The following DGKD variants were observed in gnomAD, a reference collection of about 807,000 sequenced individuals.
DGKD encodes the protein diacylglycerol kinase delta.
A neutral mutation model predicts 154.4 loss-of-function variants in DGKD; 68 were observed. The observed-to-expected ratio is 0.44, with a 90% confidence interval of 0.36 to 0.54. The LOEUF (loss-of-function observed/expected upper bound fraction) is 0.54, where lower values mean the gene tolerates loss of function less well. Ranked by LOEUF, DGKD falls within the 20% of genes least tolerant of loss-of-function variation. The pLI is 0.00. For missense variants in DGKD, 1,343 were observed against 1,593.6 expected (o/e 0.84, Z 2.68); for synonymous variants, 693 against 638.0 (o/e 1.09, Z -1.30).
In DGKD at chr2:233,437,556, C is replaced by T; in HGVS notation, c.922+77C>T. On this transcript the variant is annotated intron_variant, in intron 8 of 29. Transcript: ENST00000264057. Reference sequence around the variant, plus strand: ...TCCACGCACTTTCTCTTCTCCAGCTCTGGAGTTGGTTATCTTGGTGAGATG... The same window carrying T: ...TCCACGCACTTTCTCTTCTCCAGCTTTGGAGTTGGTTATCTTGGTGAGATG... The T allele has an allele frequency of 1.3e-5, 18 of 1,411,910 alleles. 1 individual carries two copies. Among genetic ancestry groups the T allele is most frequent in the Non-Finnish European group, 1.7e-5 (17 of 1,011,740 alleles). The allele number at this position is 1,411,910 out of a possible 1,614,324, so 87.5% of individuals were successfully genotyped here.
At chr2:233,430,469 A>G (rs897006674) in intron 3 of DGKD, among the ~76,000 whole-genome samples, 1 of 152,172 alleles carries the variant, frequency 6.6e-6, no homozygotes, top group Non-Finnish European at 1.5e-5. Context: ...AGGTGGAGAA[A>G]AGTGTCCATG....
chr2:233,458,249 T>A lies in DGKD; in HGVS notation c.2581-35T>A. 1 of 1,434,096 alleles carries A rather than the reference T, an allele frequency of 7.0e-7. No individual in the cohort carries two copies. Among genetic ancestry groups the A allele is most frequent in the South Asian group, 1.2e-5 (1 of 86,070 alleles). 88.8% of individuals were successfully genotyped at this position (1,434,096 alleles called of 1,614,324 possible). On this transcript the variant is annotated intron_variant, in intron 21 of 29. Transcript: ENST00000264057. The surrounding 1 kb of genome is among the most constrained non-coding windows in gnomAD (Gnocchi z 6.6). ...GGGGCGGCCTGTGCTCGGGGATGTG[T>A]GGAGTGGTGGTCAGCTCTAACGTGT...
intron 1 of DGKD, among the ~76,000 whole-genome samples, chr2:233,385,436 T>G (rs1296876655): frequency 6.6e-6 from 1 of 152,194 alleles, no homozygotes; most frequent in Non-Finnish European, 1.5e-5. Context: ...CTTAAGAGTT[T>G]TCTCGGTGCT....
intron 1 of DGKD, among the ~76,000 whole-genome samples, chr2:233,368,337 C>T (rs780545378): frequency 2.6e-5 from 4 of 152,112 alleles, no homozygotes; most frequent in Non-Finnish European, 5.9e-5. Flanking sequence ...TGGTAAAACC[C>T]CATCTCTACT....
In DGKD at chr2:233,354,665, C is replaced by A. The variant is rs1181969765; in HGVS notation, c.147C>A (p.Ile49=). 3 of 1,044,262 alleles carry A rather than the reference C, an allele frequency of 2.9e-6. No individual in the cohort carries two copies. Among genetic ancestry groups the A allele is most frequent in the East Asian group, 2.0e-4 (2 of 10,124 alleles). The allele number at this position is 1,044,262 out of a possible 1,614,324, so 64.7% of individuals were successfully genotyped here. A position where few individuals can be genotyped will look rare whatever the true frequency, so the allele number is the denominator to read the frequency against. Reference sequence around the variant, plus strand: ...GCAAGGTGTCCACGTCGGGTCAGATCCGACAGAAGGTGAGCCCGCGGCGCG... The same window carrying A: ...GCAAGGTGTCCACGTCGGGTCAGATACGACAGAAGGTGAGCCCGCGGCGCG... The part of the protein sequence containing the change: ...LIRKVSTSGQ[I]RQKTIIKEGM... Residue 49 remains isoleucine (I), a synonymous_variant, in exon 1 of 30, where the codon ATC becomes ATA. Coordinates refer to ENST00000264057, the MANE Select transcript of DGKD (RefSeq NM_152879.3). The surrounding 1 kb of genome is among the most constrained non-coding windows in gnomAD (Gnocchi z 4.8).
intron 2 of DGKD, 58 bp downstream of exon 2, chr2:233,388,425 G>C: frequency 1.3e-6 from 2 of 1,516,216 alleles, no homozygotes; most frequent in Non-Finnish European, 8.9e-7. Context: ...TCCCAGGGGA[G>C]GAACTGGGGG....
chr2:233,388,191 T>A, intron 1 of DGKD, 66 bp from the exon 2 acceptor site: 1 of 1,579,454 alleles, frequency 6.3e-7, no homozygotes, highest in South Asian at 1.2e-5. Flanking sequence ...CAGGCTGCGT[T>A]TCAGCCGGAA....
At chr2:233,437,765 T>G (rs2062748200) in intron 8 of DGKD, among the ~76,000 whole-genome samples, 1 of 152,202 alleles carries the variant, frequency 6.6e-6, no homozygotes. Flanking sequence ...AGCCTGGCAC[T>G]TGACGTGGAG....
intron 3 of DGKD, among the ~76,000 whole-genome samples, chr2:233,412,597 C>T (rs1238602915): frequency 6.6e-6 from 1 of 152,150 alleles, no homozygotes; most frequent in African/African-American, 2.4e-5. Flanking sequence ...ATTTTTCTTG[C>T]TTCATTGCAA....
At chr2:233,384,372 G>T (rs763362500) in intron 1 of DGKD, among the ~76,000 whole-genome samples, 17 of 152,058 alleles carry the variant, frequency 1.1e-4, no homozygotes, top group Non-Finnish European at 2.4e-4. Context: ...CCTTGGTATT[G>T]GTGTCCCTGG....
chr2:233,468,155 G>C (rs1181678699), intron 28 of DGKD, among the ~76,000 whole-genome samples: 7 of 151,420 alleles, frequency 4.6e-5, no homozygotes, highest in African/African-American at 1.2e-4. Context: ...CTGGTGGGTG[G>C]TGCTGTTGGC....
chr2:233,460,546 A>G (rs1023205564), intron 24 of DGKD, among the ~76,000 whole-genome samples: 2 of 152,156 alleles, frequency 1.3e-5, no homozygotes, highest in African/African-American at 2.4e-5. Flanking sequence ...TGGAGTTTAC[A>G]TGGCTGGAAC....
intron 3 of DGKD, among the ~76,000 whole-genome samples, chr2:233,434,172 C>T (rs1036817990): frequency 1.3e-5 from 2 of 152,208 alleles, no homozygotes; most frequent in African/African-American, 4.8e-5. Context: ...TATATAAAAA[C>T]TAAATTTCAC....
intron 3 of DGKD, among the ~76,000 whole-genome samples, chr2:233,401,411 C>T (rs997370565): frequency 6.6e-6 from 1 of 152,154 alleles, no homozygotes; most frequent in African/African-American, 2.4e-5. Flanking sequence ...TTCATACTTT[C>T]TCTGTTTACT....
At chr2:233,419,524 T>C in intron 3 of DGKD, 1 of 828,148 alleles carries the variant, frequency 1.2e-6, no homozygotes, top group Non-Finnish European at 1.5e-6. Context: ...AGCTTCCTTG[T>C]AAGATGCTCC....
chr2:233,375,870 A>G (rs1479932791), intron 1 of DGKD, among the ~76,000 whole-genome samples: 1 of 151,952 alleles, frequency 6.6e-6, no homozygotes, highest in African/African-American at 2.4e-5. Flanking sequence ...TAAAGCAAAT[A>G]CTTCTGGTTC....
At chr2:233,360,046 C>T (rs1018254940) in intron 1 of DGKD, among the ~76,000 whole-genome samples, 2 of 152,140 alleles carry the variant, frequency 1.3e-5, no homozygotes, top group African/African-American at 4.8e-5. Flanking sequence ...CAGCGCCACT[C>T]TTCCAAGCAC....
At chr2:233,359,510 A>G (rs201290740) in intron 1 of DGKD, among the ~76,000 whole-genome samples, 2 of 69,480 alleles carry the variant, frequency 2.9e-5, no homozygotes, top group Non-Finnish European at 6.2e-5. Context: ...TTTTTTTTTT[A>G]TCCCAGATAG....
intron 1 of DGKD, among the ~76,000 whole-genome samples, chr2:233,359,662 A>C (rs7422272): frequency 0.32 from 49,048 of 152,002 alleles, 8,797 homozygotes; most frequent in Middle Eastern, 0.47. Context: ...TTTATTGAGT[A>C]CTAGTGGGAA....
Sources: gnomAD v4.1 joint callset for allele counts (sites outside exome capture counted in the v4.1 genomes callset) on GRCh38, gnomAD v4.1.1 for gene constraint, Gnocchi (gnomAD v3.1) non-coding constraint, MANE v1.5 for transcripts, NCBI Gene and HGNC (gene_info 2026-07-23, HGNC 2026-07-21) for gene names.